The following PHLPP2 variants were observed in gnomAD, a reference collection of about 807,000 sequenced individuals.
PHLPP2 encodes PH domain and leucine rich repeat protein phosphatase 2.
A neutral mutation model predicts 124.9 loss-of-function variants in PHLPP2; 66 were observed. That is an observed-to-expected ratio of 0.53 (90% CI 0.43 to 0.65). The LOEUF (loss-of-function observed/expected upper bound fraction) is 0.65, where lower values mean the gene tolerates loss of function less well. Among genes scored for constraint, PHLPP2 ranks in the 30% least tolerant of loss-of-function variants. The pLI, the probability that PHLPP2 is intolerant of heterozygous loss-of-function variation, is 0.00. For synonymous variants in PHLPP2, 681 were observed against 624.7 expected (o/e 1.09, Z -1.34); for missense variants, 1,685 against 1,600.4 (o/e 1.05, Z -0.90).
At chr16:71,659,613 C>G (rs1254775981) in intron 13 of PHLPP2, among the ~76,000 whole-genome samples, 7 of 152,180 alleles carry the variant, frequency 4.6e-5, no homozygotes, top group Admixed American at 1.3e-4. Flanking sequence ...ATTAACTCAT[C>G]TCCACTAAAC....
intron 9 of PHLPP2, among the ~76,000 whole-genome samples, chr16:71,674,769 G>C (rs1410348176): frequency 1.3e-5 from 2 of 152,276 alleles, no homozygotes; most frequent in African/African-American, 4.8e-5. Context: ...GGCTGAGGTG[G>C]GCAGCTAACT....
Position 71,724,395 on chromosome 16 carries a change from C to A in PHLPP2, c.-73G>T, listed in dbSNP as rs1182284859. On this transcript the variant is annotated 5_prime_UTR_variant, in exon 1 of 19. Transcript: ENST00000568954. ...ACCTTCTTAAGCAAATTCAACCCAA[C>A]CTCGTACAAAACGTCCGCTCACCTC... The A allele has an allele frequency of 6.6e-6, 1 of 152,278 alleles. No individual in the cohort carries two copies. The highest frequency in any genetic ancestry group is 1.5e-5 in the Non-Finnish European group (1 of 68,134). 9.4% of individuals were successfully genotyped at this position (152,278 alleles called of 1,614,324 possible). A position where few individuals can be genotyped will look rare whatever the true frequency, so the allele number is the denominator to read the frequency against.
At chr16:71,676,936 C>T in intron 8 of PHLPP2, 2 of 354,078 alleles carry the variant, frequency 5.6e-6, no homozygotes, top group Non-Finnish European at 1.1e-5. Context: ...TTTAGTAGAG[C>T]TGGGGTTTCA....
intron 9 of PHLPP2, among the ~76,000 whole-genome samples, chr16:71,674,812 T>C (rs1817437031): frequency 6.6e-6 from 1 of 152,090 alleles, no homozygotes; most frequent in Non-Finnish European, 1.5e-5. Flanking sequence ...GCAAGGCCAA[T>C]ATGGTGAAAC....
intron 3 of PHLPP2, among the ~76,000 whole-genome samples, chr16:71,697,926 C>T (rs962775333): frequency 3.3e-5 from 5 of 149,270 alleles, no homozygotes; most frequent in Non-Finnish European, 7.4e-5. Context: ...CAGCTCACTG[C>T]AAGCTCTGCC....
At position 71,667,511 on chromosome 16, in the gene PHLPP2, C is replaced by A. The variant is rs185667551; in HGVS notation, c.1629-178G>T. Among the ~76,000 whole-genome samples, 245 of 152,256 alleles carry A rather than the reference C, an allele frequency of 1.6e-3. 2 individuals are homozygous for A. The South Asian group carries it at 0.021, about 13-fold the overall frequency. On this transcript the variant is annotated intron_variant, in intron 11 of 18. Transcript: ENST00000568954. ...CAGCTATGACCATATGTTTACCTACCACCCACCAGGAAGTCATTAAGGTCA... is the reference window on the plus strand; with the variant it reads ...CAGCTATGACCATATGTTTACCTACAACCCACCAGGAAGTCATTAAGGTCA...
chr16:71,684,544 C>T lies in PHLPP2; in HGVS notation c.667G>A (p.Ala223Thr). ...TCGAAGCTGACATGATAGGTCTGAG[C>T]TTGGGCTCCTGCTGAGCTGAAAGCA... is the stretch of plus-strand genomic sequence containing the variant. ...SLAFSSAGAQAQTYHVSFETL... is the reference protein window; with the variant it reads ...SLAFSSAGAQTQTYHVSFETL... Residue 223 changes from alanine (A) to threonine (T), a missense_variant, in exon 5 of 19, where the codon GCT (alanine) becomes ACT (threonine). Ala to Thr is a moderately conservative substitution (Grantham distance 58). Coordinates refer to ENST00000568954, the MANE Select transcript of PHLPP2 (RefSeq NM_015020.3). 1 of 1,613,920 alleles carries T rather than the reference C, an allele frequency of 6.2e-7. No individual in the cohort carries two copies. The highest frequency in any genetic ancestry group is 8.5e-7 in the Non-Finnish European group (1 of 1,179,954).
chr16:71,722,770 T>C (rs755427885), intron 1 of PHLPP2, among the ~76,000 whole-genome samples: 2 of 152,212 alleles, frequency 1.3e-5, no homozygotes, highest in Non-Finnish European at 2.9e-5. Context: ...CCATTCCACC[T>C]GCGGAAGGAC....
rs1346053626 is a variant in PHLPP2, at chr16:71,658,371, A to C, written c.2149-8T>G. 1 of 1,610,878 alleles carries C rather than the reference A, an allele frequency of 6.2e-7. No homozygotes were observed. Among genetic ancestry groups the C allele is most frequent in the Non-Finnish European group, 8.5e-7 (1 of 1,178,632 alleles). On this transcript the variant is annotated splice_polypyrimidine_tract_variant and splice_region_variant and intron_variant, in intron 14 of 18. Coordinates refer to ENST00000568954, the MANE Select transcript of PHLPP2 (RefSeq NM_015020.3). ...GCAACTTAGGTCTACAAACTAAGAA[A>C]AAATTGAGAAATCAAAAGAAAATAC...
At position 71,658,701 on chromosome 16, in the gene PHLPP2, G is replaced by A; in HGVS notation, c.2100C>T (p.Ser700=). 6.2e-7 allele frequency: 1 copy of A among 1,614,136 alleles called. No individual in the cohort carries two copies. Among genetic ancestry groups the A allele is most frequent in the Non-Finnish European group, 8.5e-7 (1 of 1,179,996 alleles). The stretch of plus-strand genomic sequence containing the variant: ...TTTCTGGGAAAATGCTGATGTTGTT[G>A]GAGTGTGCAACAAGGGTGTGCAGCC... ...CKRLHTLVAH[S]NNISIFPEIL... The change falls in exon 14 of 19, where the codon TCC becomes TCT. Residue 700 remains serine, a synonymous_variant. Coordinates refer to ENST00000568954, the MANE Select transcript of PHLPP2 (RefSeq NM_015020.3).
chr16:71,722,305 G>C (rs1229668354), intron 1 of PHLPP2, among the ~76,000 whole-genome samples: 2 of 152,028 alleles, frequency 1.3e-5, no homozygotes, highest in Non-Finnish European at 2.9e-5. Flanking sequence ...GTGGTGGCGG[G>C]TGCCCGTGAT....
intron 2 of PHLPP2, among the ~76,000 whole-genome samples, chr16:71,707,961 C>A (rs552992551): frequency 6.6e-6 from 1 of 152,086 alleles, no homozygotes; most frequent in African/African-American, 2.4e-5. Flanking sequence ...GTCAGAATAA[C>A]CATTAAGAAA....
chr16:71,693,574 G>C (rs1181910623), intron 3 of PHLPP2, among the ~76,000 whole-genome samples: 1 of 152,174 alleles, frequency 6.6e-6, no homozygotes, highest in Non-Finnish European at 1.5e-5. Context: ...GCACCAGACT[G>C]ATCTTCCCTG....
intron 1 of PHLPP2, among the ~76,000 whole-genome samples, chr16:71,718,655 C>T (rs1420896177): frequency 6.6e-6 from 1 of 150,736 alleles, no homozygotes; most frequent in Admixed American, 6.6e-5. Flanking sequence ...CACTTGAGGT[C>T]AGGGGTTCAA....
rs373085233 is a variant in PHLPP2 at position 71,683,940 on chromosome 16, G to A, written c.735+536C>T. ...CCCAAGTAGCTGGGATTACAGGCAT[G>A]TGCCACTACACCCCGCTAATTTTGT... On this transcript the variant is annotated intron_variant, in intron 5 of 18. Coordinates refer to ENST00000568954, the MANE Select transcript of PHLPP2 (RefSeq NM_015020.3). 3.0e-3 allele frequency among the ~76,000 whole-genome samples: 390 copies of A among 129,488 alleles called. 2 individuals are homozygous for A. Among genetic ancestry groups the A allele is most frequent in the Middle Eastern group, 0.011 (3 of 276 alleles). 84.9% of individuals were successfully genotyped at this position (129,488 alleles called of 152,430 possible). A position where few individuals can be genotyped will look rare whatever the true frequency, so the allele number is the denominator to read the frequency against.
At chr16:71,713,365 A>G (rs953167746) in intron 2 of PHLPP2, among the ~76,000 whole-genome samples, 4 of 152,236 alleles carry the variant, frequency 2.6e-5, no homozygotes, top group Non-Finnish European at 5.9e-5. Context: ...AAATAGATAT[A>G]CTTTCATATT....
intron 3 of PHLPP2, among the ~76,000 whole-genome samples, chr16:71,691,280 C>T (rs982229882): frequency 1.3e-5 from 2 of 151,890 alleles, no homozygotes; most frequent in African/African-American, 4.8e-5. Flanking sequence ...CGGTGAAACC[C>T]CGTCTCTACT....
Position 71,652,832 on chromosome 16 carries a change from C to T in PHLPP2, c.2775G>A (p.Glu925=), listed in dbSNP as rs529530226. 4.5e-4 allele frequency: 720 copies of T among 1,614,186 alleles called. 18 individuals carry two copies. In the South Asian group the frequency reaches 7.5e-3, roughly 17 times the overall value. The change falls in exon 18 of 19, where the codon GAG becomes GAA. Residue 925 remains glutamate (E), a synonymous_variant. Transcript: ENST00000568954. ...SKVFSLEQDP[E]EAQRVKDQKA... ...TTTGGTCCTTCACCCTTTGAGCCTC[C>T]TCTGGGTCCTGCTCCAGGCTGAAGA...
intron 3 of PHLPP2, among the ~76,000 whole-genome samples, chr16:71,691,438 G>A (rs1466998820): frequency 6.6e-6 from 1 of 151,430 alleles, no homozygotes; most frequent in Non-Finnish European, 1.5e-5. Flanking sequence ...TCCAGCCTGG[G>A]CGACAGAGCA....
Sources: allele counts gnomAD v4.1 joint callset (sites outside exome capture counted in the v4.1 genomes callset), GRCh38; gene constraint gnomAD v4.1.1; transcripts MANE v1.5; gene names NCBI Gene and HGNC (gene_info 2026-07-23, HGNC 2026-07-21).